Variants in SYNM observed in about 807,000 individuals in gnomAD.
SYNM encodes synemin.
A neutral mutation model predicts 104.0 loss-of-function variants in SYNM; 95 were observed. The observed-to-expected ratio is 0.91, with a 90% CI of 0.77 to 1.08. SYNM has a LOEUF of 1.08. Ranked by LOEUF, SYNM falls within the 50% of genes least tolerant of loss-of-function variation. The pLI is 0.00. For synonymous variants in SYNM, 918 were observed against 869.0 expected, an observed-to-expected ratio of 1.06 and a Z score of -0.99; for missense variants, 2,150 against 2,052.2, an observed-to-expected ratio of 1.05 and a Z score of -0.92.
chr15:99,133,340 T>G lies in SYNM; in HGVS notation c.*282T>G, dbSNP rs868956917. Reference sequence around the variant, plus strand: ...CTCCACTTCTGGAGATGAATTTCTATGTTTTGCACCTGGTCACAGACATGG... The same window carrying G: ...CTCCACTTCTGGAGATGAATTTCTAGGTTTTGCACCTGGTCACAGACATGG... On this transcript the variant is annotated 3_prime_UTR_variant, in exon 4 of 4. Transcript: ENST00000336292. The G allele has an allele frequency of 3.5e-5, 15 of 434,426 alleles. No individual in the cohort carries two copies. The highest frequency in any genetic ancestry group is 3.0e-4 in the African/African-American group (15 of 49,978). The allele number at this position is 434,426 out of a possible 1,614,324, so 26.9% of individuals were successfully genotyped here.
chr15:99,132,310 G>A lies in SYNM; in HGVS notation c.3950G>A (p.Arg1317Lys). Residue 1317 changes from arginine (R) to lysine (K), a missense_variant, in exon 4 of 4, where the codon AGG becomes AAG. Coordinates refer to ENST00000336292, the MANE Select transcript of SYNM (RefSeq NM_145728.3). ...SIRHISIGPQ[R>K]HQTTQQIVYH... Reference sequence around the variant, plus strand: ...AGGCACATCAGCATTGGGCCTCAGAGGCATCAGACCACCCAGCAGATAGTT... The same window carrying A: ...AGGCACATCAGCATTGGGCCTCAGAAGCATCAGACCACCCAGCAGATAGTT... 1.2e-6 allele frequency: 2 copies of A among 1,611,864 alleles called. No individual in the cohort carries two copies. The highest frequency in any genetic ancestry group is 1.7e-6 in the Non-Finnish European group (2 of 1,178,164).
At chr15:99,126,487 C>G (rs1555485027) in intron 2 of SYNM, among the ~76,000 whole-genome samples, 1 of 152,240 alleles carries the variant, frequency 6.6e-6, no homozygotes, top group Non-Finnish European at 1.5e-5. Flanking sequence ...GAGCGCCATG[C>G]TGGCTGCCAG....
At chr15:99,125,549 T>C (rs1207570212) in intron 2 of SYNM, among the ~76,000 whole-genome samples, 2 of 152,254 alleles carry the variant, frequency 1.3e-5, no homozygotes, top group East Asian at 3.8e-4. Flanking sequence ...TCCTTTGCTT[T>C]CTTCCAGCTG....
downstream of SYNM, chr15:99,139,857 G>A: frequency 1.2e-6 from 1 of 853,170 alleles, no homozygotes; most frequent in Non-Finnish European, 1.6e-6. Context: ...TAGTTATTAG[G>A]AACCAAATAT....
rs541002150 is a variant in SYNM at position 99,132,566 on chromosome 15, G to A, written c.4206G>A (p.Arg1402=). The part of the protein sequence containing the change: ...EMTSGVSRSF[R]HIRLGPTETE... ...CATCGGGTGTTAGCAGATCCTTTAG[G>A]CACATTCGACTAGGTCCTACAGAAA... Residue 1402 remains arginine (R), a synonymous_variant, in exon 4 of 4, where the codon AGG becomes AGA. Coordinates refer to ENST00000336292, the MANE Select transcript of SYNM (RefSeq NM_145728.3). The A allele has an allele frequency of 5.6e-4, 901 of 1,614,014 alleles. 14 individuals carry two copies. In the South Asian group the frequency reaches 9.4e-3, roughly 17 times the overall value.
chr15:99,132,522 A>T lies in SYNM; in HGVS notation c.4162A>T (p.Thr1388Ser). Residue 1388 changes from threonine (T) to serine (S), a missense_variant, in exon 4 of 4, where the codon ACA becomes TCA. Transcript: ENST00000336292. ...TCCCCAGGAGGATAGTGCAGAGGAC[A>T]CATCAGGGGCAGAAATGACATCGGG... Reference protein sequence around the residue: ...ESPQEDSAEDTSGAEMTSGVS... With the variant: ...ESPQEDSAEDSSGAEMTSGVS... 3 of 1,614,060 alleles carry T rather than the reference A, an allele frequency of 1.9e-6. No homozygotes were observed. The highest frequency in any genetic ancestry group is 2.5e-6 in the Non-Finnish European group (3 of 1,179,898).
At chr15:99,106,055 G>T (rs968617404) in intron 1 of SYNM, 46 bp downstream of exon 1, 6 of 1,377,276 alleles carry the variant, frequency 4.4e-6, no homozygotes, top group East Asian at 2.9e-5. Flanking sequence ...CGCTGCCGTC[G>T]CCCCAGCACC....
chr15:99,140,920 A>C, the SYNM span: 1 of 152,122 alleles, frequency 6.6e-6, no homozygotes, highest in Non-Finnish European at 1.5e-5. Flanking sequence ...CCAAACCAAA[A>C]CCTCTCAATA....
intron 3 of SYNM, among the ~76,000 whole-genome samples, chr15:99,127,771 A>G (rs548686405): frequency 6.6e-6 from 1 of 152,308 alleles, no homozygotes; most frequent in East Asian, 1.9e-4. Context: ...AACAAGAATT[A>G]ACTCCCCAGA....
At chr15:99,139,254 T>C, downstream of SYNM, 3 of 1,585,570 alleles carry the variant, frequency 1.9e-6, no homozygotes, top group Non-Finnish European at 2.6e-6. Context: ...AGAACCAGCT[T>C]TCTCTTGAGA....
chr15:99,111,035 G>A (rs1161367326), intron 1 of SYNM, among the ~76,000 whole-genome samples: 3 of 152,212 alleles, frequency 2.0e-5, no homozygotes, highest in Non-Finnish European at 2.9e-5. Flanking sequence ...AATTTAGGAG[G>A]AGCTGACTCA....
intron 2 of SYNM, among the ~76,000 whole-genome samples, 169 bp downstream of exon 2, chr15:99,113,884 G>A (rs2067322688): frequency 6.6e-6 from 1 of 152,206 alleles, no homozygotes; most frequent in Non-Finnish European, 1.5e-5. Context: ...AAAAGGAAGA[G>A]GAAGAGTAGG....
chr15:99,106,019 C>CG lies in SYNM; in HGVS notation c.810+14dup. 6.9e-7 allele frequency: 1 copy of CG among 1,438,966 alleles called. No individual in the cohort carries two copies. Among genetic ancestry groups the CG allele is most frequent in the Non-Finnish European group, 9.1e-7 (1 of 1,101,618 alleles). 89.1% of individuals were successfully genotyped at this position (1,438,966 alleles called of 1,614,324 possible). A position where few individuals can be genotyped will look rare whatever the true frequency, so the allele number is the denominator to read the frequency against. On this transcript the variant is annotated intron_variant, in intron 1 of 3. Coordinates refer to ENST00000336292, the MANE Select transcript of SYNM (RefSeq NM_145728.3). ...GGCCGAGGAGCGGCAGGTCCGTGCG[C>CG]GGGGATGGCGCGCTGACCCCATACC... is the stretch of plus-strand genomic sequence containing the variant.
rs2067536530 is a variant in SYNM at position 99,133,744 on chromosome 15, C to T, written c.*686C>T. 6.5e-6 allele frequency: 1 copy of T among 153,236 alleles called. No individual in the cohort carries two copies. The highest frequency in any genetic ancestry group is 2.1e-4 in the South Asian group (1 of 4,850). The allele number at this position is 153,236 out of a possible 1,614,324, so 9.5% of individuals were successfully genotyped here. On this transcript the variant is annotated 3_prime_UTR_variant, in exon 4 of 4. Transcript: ENST00000336292. The stretch of plus-strand genomic sequence containing the variant: ...TTCACATTCTATTTGCACAGGTTCC[C>T]TGGCACTGGTAGGGTAGATGATTAT...
In SYNM at chr15:99,132,972, C is replaced by G. The variant is rs376902777; in HGVS notation, c.4612C>G (p.Gln1538Glu). ...KKVQLQRMVD[Q>E]RSVISDEKKV... ...GGTGCAGCTCCAGAGAATGGTAGACCAAAGGTCGGTGATTTCAGATGAAAA... is the reference window on the plus strand; with the variant it reads ...GGTGCAGCTCCAGAGAATGGTAGACGAAAGGTCGGTGATTTCAGATGAAAA... Residue 1538 changes from glutamine (Q) to glutamate (E), a missense_variant, in exon 4 of 4, where the codon CAA (glutamine) becomes GAA (glutamate). Transcript: ENST00000336292. 6.2e-7 allele frequency: 1 copy of G among 1,613,574 alleles called. No individual in the cohort carries two copies. The highest frequency in any genetic ancestry group is 1.3e-5 in the African/African-American group (1 of 74,810).
At chr15:99,119,282 TCA>T (rs1299649484) in intron 2 of SYNM, among the ~76,000 whole-genome samples, 1 of 152,158 alleles carries the variant, frequency 6.6e-6, no homozygotes, top group Non-Finnish European at 1.5e-5. Flanking sequence ...GCCTCACAGC[TCA>T]CAGGGCGGCA....
downstream of SYNM, chr15:99,139,469 T>C (rs1555489089): frequency 6.2e-7 from 1 of 1,603,048 alleles, no homozygotes; most frequent in African/African-American, 1.3e-5. Context: ...AAGGTCTCCC[T>C]TGAATGAGAG....
chr15:99,109,643 C>G (rs545406816), intron 1 of SYNM, among the ~76,000 whole-genome samples: 132 of 152,304 alleles, frequency 8.7e-4, no homozygotes, highest in African/African-American at 3.0e-3. Context: ...GGAAGTAGCT[C>G]CCAGGGTGTG....
intron 2 of SYNM, among the ~76,000 whole-genome samples, chr15:99,123,045 A>T (rs2067415477): frequency 6.6e-6 from 1 of 152,196 alleles, no homozygotes; most frequent in Admixed American, 6.5e-5. Context: ...GCTGATGTTT[A>T]GTGAGCTCTT....
Sources: gnomAD v4.1 joint callset for allele counts (sites outside exome capture counted in the v4.1 genomes callset) on GRCh38, gnomAD v4.1.1 for gene constraint, MANE v1.5 for transcripts, NCBI Gene and HGNC (gene_info 2026-07-23, HGNC 2026-07-21) for gene names.